The following SMIM36 variants were observed in gnomAD, a reference collection of about 807,000 sequenced individuals.
SMIM36 encodes small integral membrane protein 36.
intron 1 of SMIM36, among the ~76,000 whole-genome samples, chr17:55,502,090 C>G (rs1909998773): frequency 6.6e-6 from 1 of 151,680 alleles, no homozygotes; most frequent in African/African-American, 2.4e-5. Flanking sequence ...CGGAATCTCG[C>G]TGATTGCTAG....
At chr17:55,466,845 C>A (rs185936775) in intron 4 of SMIM36, among the ~76,000 whole-genome samples, 5 of 152,338 alleles carry the variant, frequency 3.3e-5, no homozygotes, top group African/African-American at 9.6e-5. Context: ...GCAGCAAGTT[C>A]TTTTGCGTAA....
chr17:55,529,081 TCTGTCTAGCACCAA>T, the SMIM36 span, among the ~76,000 whole-genome samples: 1 of 152,188 alleles, frequency 6.6e-6, no homozygotes, highest in Non-Finnish European at 1.5e-5. Context: ...TTGTTCTGGG[TCTGTCTAGCACCAA>T]CTATTTAAAC....
At chr17:55,510,019 C>T (rs1295052326) in intron 1 of SMIM36, among the ~76,000 whole-genome samples, 4 of 152,082 alleles carry the variant, frequency 2.6e-5, no homozygotes, top group African/African-American at 9.7e-5. Flanking sequence ...CAGTGATCAT[C>T]ATCATAGCTA....
At chr17:55,523,100 C>T in the SMIM36 span, among the ~76,000 whole-genome samples, 1 of 152,108 alleles carries the variant, frequency 6.6e-6, no homozygotes, top group Admixed American at 6.5e-5. Flanking sequence ...GAATCCCTAA[C>T]CTCAGAATGT....
chr17:55,469,875 G>A (rs1909311445), intron 3 of SMIM36, among the ~76,000 whole-genome samples: 1 of 152,154 alleles, frequency 6.6e-6, no homozygotes, highest in Non-Finnish European at 1.5e-5. Context: ...GTCCCAGTTT[G>A]GAAGGATGAG....
chr17:55,480,290 C>T (rs902109939), intron 1 of SMIM36, among the ~76,000 whole-genome samples: 1 of 151,100 alleles, frequency 6.6e-6, no homozygotes, highest in Admixed American at 6.6e-5. Flanking sequence ...AAGCCCCAGG[C>T]CTGAATATTA....
chr17:55,460,776 T>A (rs1189338813), intron 4 of SMIM36, among the ~76,000 whole-genome samples: 1 of 152,128 alleles, frequency 6.6e-6, no homozygotes, highest in Admixed American at 6.5e-5. Flanking sequence ...GAGAATGGCG[T>A]GAACCCAGGA....
intron 3 of SMIM36, among the ~76,000 whole-genome samples, chr17:55,477,880 G>T (rs1454824565): frequency 1.3e-5 from 2 of 150,310 alleles, no homozygotes; most frequent in African/African-American, 2.5e-5. Flanking sequence ...AGAGAGAAAA[G>T]CTCTTCCCAG....
At chr17:55,465,814 G>T (rs1299095100) in intron 4 of SMIM36, among the ~76,000 whole-genome samples, 1 of 152,144 alleles carries the variant, frequency 6.6e-6, no homozygotes, top group African/African-American at 2.4e-5. Flanking sequence ...GAACCATCTA[G>T]CAGTAGAGCT....
chr17:55,530,520 C>A, the SMIM36 span, among the ~76,000 whole-genome samples: 1 of 152,166 alleles, frequency 6.6e-6, no homozygotes, highest in African/African-American at 2.4e-5. Flanking sequence ...CGCGGTGGCT[C>A]ACGCTTGTAA....
intron 1 of SMIM36, among the ~76,000 whole-genome samples, chr17:55,493,447 TG>T (rs1251982504): frequency 6.6e-6 from 1 of 151,668 alleles, no homozygotes; most frequent in Admixed American, 6.6e-5. Flanking sequence ...GAAGCAGAGG[TG>T]TTGGTAATAT....
At chr17:55,468,813 C>T (rs117177457) in intron 3 of SMIM36, among the ~76,000 whole-genome samples, 3,828 of 152,236 alleles carry the variant, frequency 0.025, 55 homozygotes, top group Non-Finnish European at 0.036. Flanking sequence ...GACCTAAAAC[C>T]TAAATGTCTT....
intron 3 of SMIM36, among the ~76,000 whole-genome samples, chr17:55,475,595 T>C (rs1199069365): frequency 6.6e-6 from 1 of 152,206 alleles, no homozygotes; most frequent in Admixed American, 6.5e-5. Context: ...ATGTAGAGTG[T>C]TGTTTTTACC....
chr17:55,509,522 CT>C (rs1430209885), intron 1 of SMIM36, among the ~76,000 whole-genome samples: 1 of 152,202 alleles, frequency 6.6e-6, no homozygotes, highest in Non-Finnish European at 1.5e-5. Context: ...ACTCGTGTCT[CT>C]GTTGACTCCT....
At chr17:55,474,031 C>T (rs1039159023) in intron 3 of SMIM36, among the ~76,000 whole-genome samples, 1 of 152,084 alleles carries the variant, frequency 6.6e-6, no homozygotes, top group African/African-American at 2.4e-5. Context: ...CCCCCAGTCA[C>T]ATATCCCCTG....
At position 55,450,917 on chromosome 17, in the gene SMIM36, C is replaced by G. The variant is rs532221179; in HGVS notation, c.*532-619G>C. Among the ~76,000 whole-genome samples the G allele has an allele frequency of 3.3e-5, 5 of 152,220 alleles. No homozygotes were observed. In the East Asian group the frequency reaches 7.7e-4, roughly 24 times the overall value. On this transcript the variant is annotated intron_variant, in intron 4 of 4. Coordinates refer to ENST00000636752, the Ensembl canonical transcript of SMIM36. ...TTCTTTTTTTTTTGAGACGGAGTCT[C>G]GCTCTGTCACCGAGGCTGAAGTGCA... is the stretch of plus-strand genomic sequence containing the variant.
intron 4 of SMIM36, among the ~76,000 whole-genome samples, chr17:55,464,002 C>G (rs1457208423): frequency 6.6e-6 from 1 of 151,914 alleles, no homozygotes; most frequent in Non-Finnish European, 1.5e-5. Flanking sequence ...TGTATCCTAG[C>G]TACTCGAGAG....
At position 55,501,218 on chromosome 17, in the gene SMIM36, A is replaced by AG. The variant is rs1176897570; in HGVS notation, c.*174+9660_*174+9661insC. ...TCTTATATATTATAATATATAATATATATTATATATTATAATATATAATAT... is the reference window on the plus strand; with the variant it reads ...TCTTATATATTATAATATATAATATAGTATTATATATTATAATATATAATAT... On this transcript the variant is annotated intron_variant, in intron 1 of 4. Coordinates refer to ENST00000636752, the Ensembl canonical transcript of SMIM36. Among the ~76,000 whole-genome samples, 29 of 79,984 alleles carry AG rather than the reference A, an allele frequency of 3.6e-4. 7 individuals carry two copies. Among genetic ancestry groups the AG allele is most frequent in the Middle Eastern group, 0.015 (1 of 68 alleles). The allele number at this position is 79,984 out of a possible 152,430, so 52.5% of individuals were successfully genotyped here.
intron 1 of SMIM36, among the ~76,000 whole-genome samples, chr17:55,494,719 TTATAAGTA>T (rs1486243999): frequency 2.0e-5 from 3 of 152,120 alleles, no homozygotes; most frequent in East Asian, 1.9e-4. Flanking sequence ...AGTGCTAAAA[TTATAAGTA>T]TATAAGTATA....
Sources: gnomAD v4.1 joint callset for allele counts (sites outside exome capture counted in the v4.1 genomes callset) on GRCh38, gnomAD v4.1.1 for gene constraint, MANE v1.5 for transcripts, NCBI Gene and HGNC (gene_info 2026-07-23, HGNC 2026-07-21) for gene names.